Variants in LIMA1 observed in about 807,000 individuals in gnomAD.
LIMA1 encodes the protein LIM domain and actin-binding protein 1.
LIMA1 carries 52 observed loss-of-function variants against 62.6 expected under a neutral mutation model. The ratio of observed to expected loss-of-function variants is 0.83; its 90% CI spans 0.67 to 1.05. The LOEUF (loss-of-function observed/expected upper bound fraction) is 1.05, where lower values mean the gene tolerates loss of function less well. Ranked by LOEUF, LIMA1 falls within the 50% of genes least tolerant of loss-of-function variation. The probability of loss-of-function intolerance (pLI) is 0.00; values close to 1 mark genes in which losing one functional copy is unlikely to be tolerated. For synonymous variants in LIMA1, 302 were observed against 317.8 expected, an observed-to-expected ratio of 0.95 and a Z score of 0.53; for missense variants, 780 against 902.2, an observed-to-expected ratio of 0.86 and a Z score of 1.74.
At chr12:50,229,558 C>T (rs891109447) in intron 3 of LIMA1, among the ~76,000 whole-genome samples, 2 of 151,648 alleles carry the variant, frequency 1.3e-5, no homozygotes, top group South Asian at 2.1e-4. Flanking sequence ...GTGGGGAGAG[C>T]GGGGAGGGAT....
At chr12:50,267,055 C>T (rs1942147347) in intron 1 of LIMA1, among the ~76,000 whole-genome samples, 1 of 151,736 alleles carries the variant, frequency 6.6e-6, no homozygotes, top group Non-Finnish European at 1.5e-5. Flanking sequence ...CCACCATGCC[C>T]AGCTAATTTT....
intron 2 of LIMA1, among the ~76,000 whole-genome samples, chr12:50,246,466 C>T (rs542465071): frequency 6.6e-6 from 1 of 152,014 alleles, no homozygotes; most frequent in Non-Finnish European, 1.5e-5. Context: ...CCCCCTTGAC[C>T]CCCAACAGCT....
intron 4 of LIMA1, among the ~76,000 whole-genome samples, chr12:50,209,411 T>C (rs574202842): frequency 3.3e-5 from 5 of 151,460 alleles, no homozygotes; most frequent in Admixed American, 2.6e-4. Context: ...CTCTACTAAA[T>C]ATACAAAAAT....
chr12:50,225,281 AT>A (rs1941509793), intron 3 of LIMA1, among the ~76,000 whole-genome samples: 1 of 152,076 alleles, frequency 6.6e-6, no homozygotes, highest in African/African-American at 2.4e-5. Context: ...GTAATAACTT[AT>A]TGGGGGAAAA....
intron 1 of LIMA1, among the ~76,000 whole-genome samples, chr12:50,261,292 T>C (rs1942070492): frequency 6.6e-6 from 1 of 151,718 alleles, no homozygotes; most frequent in Non-Finnish European, 1.5e-5. Context: ...GACCTCGTGA[T>C]CTGCCCACCA....
At chr12:50,221,453 G>C (rs1321517096) in intron 4 of LIMA1, among the ~76,000 whole-genome samples, 1 of 152,182 alleles carries the variant, frequency 6.6e-6, no homozygotes, top group African/African-American at 2.4e-5. Context: ...CTGTGCATTT[G>C]CAAGTCAAAA....
Position 50,204,613 on chromosome 12 carries a change from T to C in LIMA1, c.803A>G (p.Lys268Arg). ...TGCCTGGTACTTGGCCATTCGATCC[T>C]TTATAGAGGTTTCTGAGAGGCGTGG... ...ELPRLSETSIKDRMAKYQAAV... is the reference protein window; with the variant it reads ...ELPRLSETSIRDRMAKYQAAV... Residue 268 changes from lysine (K) to arginine (R), a missense_variant, in exon 6 of 11, where the codon AAG becomes AGG. By Grantham distance (26) the Lys-to-Arg change is conservative (BLOSUM62 2). Coordinates refer to ENST00000341247, the MANE Select transcript of LIMA1 (RefSeq NM_016357.5). The C allele has an allele frequency of 1.2e-6, 2 of 1,614,242 alleles. No homozygotes were observed. Among genetic ancestry groups the C allele is most frequent in the South Asian group, 2.2e-5 (2 of 91,088 alleles).
At chr12:50,250,781 G>A (rs1941920048) in intron 1 of LIMA1, among the ~76,000 whole-genome samples, 1 of 152,126 alleles carries the variant, frequency 6.6e-6, no homozygotes, top group South Asian at 2.1e-4. Context: ...AGACAGATAA[G>A]TCTAAGTGGG....
At chr12:50,178,966 A>ATTTTTTTT (rs1555203081) in intron 10 of LIMA1, among the ~76,000 whole-genome samples, 12 of 128,962 alleles carry the variant, frequency 9.3e-5, no homozygotes, top group East Asian at 2.1e-4. Context: ...ATATATATAT[A>ATTTTTTTT]TTTTTTTTTT....
intron 6 of LIMA1, chr12:50,202,252 C>A (rs1941066418): frequency 6.6e-6 from 1 of 152,198 alleles, no homozygotes; most frequent in South Asian, 2.1e-4. Flanking sequence ...TGCCTTGTTA[C>A]AACCATATTC....
chr12:50,249,429 T>C (rs1364824028), intron 1 of LIMA1, among the ~76,000 whole-genome samples: 1 of 152,224 alleles, frequency 6.6e-6, no homozygotes, highest in Non-Finnish European at 1.5e-5. Flanking sequence ...AAATACTGGG[T>C]ATATTACAGT....
chr12:50,269,774 G>T (rs949165101), intron 1 of LIMA1, among the ~76,000 whole-genome samples: 5 of 150,602 alleles, frequency 3.3e-5, no homozygotes, highest in African/African-American at 1.2e-4. Context: ...CAAAAAATTA[G>T]CCGGGTGTGG....
intron 1 of LIMA1, among the ~76,000 whole-genome samples, chr12:50,253,442 G>A (rs933081407): frequency 1.3e-5 from 2 of 152,084 alleles, no homozygotes; most frequent in Non-Finnish European, 2.9e-5. Flanking sequence ...GGATTCAAAC[G>A]CATATTCTGT....
At chr12:50,210,278 C>T (rs1941229856) in intron 4 of LIMA1, among the ~76,000 whole-genome samples, 1 of 151,896 alleles carries the variant, frequency 6.6e-6, no homozygotes, top group Non-Finnish European at 1.5e-5. Context: ...CAAAAATTAG[C>T]TGAGCATGGT....
intron 1 of LIMA1, among the ~76,000 whole-genome samples, chr12:50,266,298 G>A (rs1234713739): frequency 6.6e-6 from 1 of 152,168 alleles, no homozygotes; most frequent in Non-Finnish European, 1.5e-5. Flanking sequence ...GTACCATCAG[G>A]ATGCCTATTT....
chr12:50,215,940 C>T (rs1941338447), intron 4 of LIMA1, among the ~76,000 whole-genome samples: 1 of 151,886 alleles, frequency 6.6e-6, no homozygotes, highest in Non-Finnish European at 1.5e-5. Flanking sequence ...ATCCCAGCTA[C>T]TCAGGAGGCT....
intron 4 of LIMA1, among the ~76,000 whole-genome samples, chr12:50,218,947 C>T (rs750379810): frequency 1.3e-5 from 2 of 150,760 alleles, no homozygotes; most frequent in Non-Finnish European, 2.9e-5. Context: ...ACAATAACAG[C>T]AGTTTAATTC....
intron 1 of LIMA1, among the ~76,000 whole-genome samples, chr12:50,250,850 A>G (rs1941921042): frequency 6.6e-6 from 1 of 152,230 alleles, no homozygotes; most frequent in Non-Finnish European, 1.5e-5. Flanking sequence ...CTCATCCATA[A>G]TAATAGCATT....
chr12:50,280,372 A>G (rs1347387290), intron 1 of LIMA1, among the ~76,000 whole-genome samples: 1 of 151,840 alleles, frequency 6.6e-6, no homozygotes, highest in African/African-American at 2.4e-5. Flanking sequence ...GTTAGCTAGG[A>G]TGGTCTCGAT....
Sources: allele counts gnomAD v4.1 joint callset (sites outside exome capture counted in the v4.1 genomes callset), GRCh38; gene constraint gnomAD v4.1.1; transcripts MANE v1.5; gene names NCBI Gene and HGNC (gene_info 2026-07-23, HGNC 2026-07-21).